The following ENOX1 variants were observed in gnomAD, a reference collection of about 807,000 sequenced individuals.
The protein encoded by ENOX1 is candidate growth-related and time keeping constitutive hydroquinone (NADH) oxidase.
Under a neutral mutation model 82.5 loss-of-function variants are expected in ENOX1, and 42 were observed. That is an observed-to-expected ratio of 0.51 (90% CI 0.40 to 0.66). The LOEUF (loss-of-function observed/expected upper bound fraction) is 0.66. ENOX1 is among the 30% of genes least tolerant of loss of function. The pLI is 0.00. For missense variants in ENOX1, 608 were observed against 811.6 expected, an observed-to-expected ratio of 0.75 and a Z score of 3.05; for synonymous variants, 271 against 282.2, an observed-to-expected ratio of 0.96 and a Z score of 0.40.
At chr13:43,499,186 A>G (rs1429947847) in intron 2 of ENOX1, among the ~76,000 whole-genome samples, 1 of 152,032 alleles carries the variant, frequency 6.6e-6, no homozygotes, top group Non-Finnish European at 1.5e-5. Context: ...AAAACCTAAA[A>G]CTGTCACAGA....
At chr13:43,332,117 C>A (rs1330234272) in intron 9 of ENOX1, among the ~76,000 whole-genome samples, 2 of 152,160 alleles carry the variant, frequency 1.3e-5, no homozygotes, top group African/African-American at 4.8e-5. Context: ...CATCATATTA[C>A]TGAACTTCCT....
chr13:43,308,959 C>T (rs947838390), intron 11 of ENOX1, among the ~76,000 whole-genome samples: 4 of 151,962 alleles, frequency 2.6e-5, no homozygotes, highest in African/African-American at 9.7e-5. Context: ...ATATTATTTG[C>T]CAAGCCATGC....
intron 2 of ENOX1, chr13:43,544,863 G>A (rs2078905957): frequency 1.3e-5 from 2 of 152,118 alleles, no homozygotes; most frequent in African/African-American, 4.8e-5. Context: ...TGAAGAGGGA[G>A]TGATATTTTT....
chr13:43,723,504 C>T (rs1248698867), intron 1 of ENOX1, among the ~76,000 whole-genome samples: 1 of 152,050 alleles, frequency 6.6e-6, no homozygotes, highest in Non-Finnish European at 1.5e-5. Context: ...GGAAGACAGC[C>T]GACTCTATCC....
intron 3 of ENOX1, among the ~76,000 whole-genome samples, chr13:43,433,379 AC>A (rs1173085248): frequency 2.0e-5 from 3 of 152,106 alleles, no homozygotes; most frequent in South Asian, 2.1e-4. Context: ...TAATCCCATG[AC>A]CCAAACACCT....
At chr13:43,579,602 C>A (rs1014800322) in intron 2 of ENOX1, among the ~76,000 whole-genome samples, 1 of 152,124 alleles carries the variant, frequency 6.6e-6, no homozygotes, top group Admixed American at 6.5e-5. Context: ...ATTGATCTCC[C>A]CATGAGACCA....
intron 1 of ENOX1, among the ~76,000 whole-genome samples, chr13:43,740,453 A>G (rs1289047775): frequency 4.6e-5 from 7 of 152,012 alleles, no homozygotes; most frequent in Non-Finnish European, 7.4e-5. Flanking sequence ...TACAATCATG[A>G]TCACAGACAA....
intron 3 of ENOX1, among the ~76,000 whole-genome samples, chr13:43,470,331 TATATATATAC>T (rs1170498587): frequency 0.18 from 11,589 of 64,512 alleles, 2,157 homozygotes; most frequent in Middle Eastern, 0.24. Context: ...TATATATATG[TATATATATAC>T]GTATATATAT....
At chr13:43,489,400 T>C (rs1263637587) in intron 2 of ENOX1, among the ~76,000 whole-genome samples, 1 of 152,164 alleles carries the variant, frequency 6.6e-6, no homozygotes, top group Non-Finnish European at 1.5e-5. Flanking sequence ...TTCTGAGGCT[T>C]ACAGAGTGCA....
At chr13:43,535,758 C>T (rs1367356872) in intron 2 of ENOX1, among the ~76,000 whole-genome samples, 3 of 152,174 alleles carry the variant, frequency 2.0e-5, no homozygotes, top group East Asian at 3.9e-4. Flanking sequence ...AAAAAAAAAT[C>T]CCTGCTAAAA....
intron 11 of ENOX1, among the ~76,000 whole-genome samples, chr13:43,310,264 T>A (rs1257401424): frequency 1.4e-5 from 2 of 144,648 alleles, no homozygotes. Context: ...GCACTATTAA[T>A]CAAACACTAA....
At chr13:43,665,109 A>G (rs764511542) in intron 2 of ENOX1, among the ~76,000 whole-genome samples, 4 of 152,194 alleles carry the variant, frequency 2.6e-5, no homozygotes, top group African/African-American at 4.8e-5. Flanking sequence ...AGCTCCACAC[A>G]GCACTAATCC....
At chr13:43,461,687 T>G (rs2057493698) in intron 3 of ENOX1, among the ~76,000 whole-genome samples, 1 of 152,140 alleles carries the variant, frequency 6.6e-6, no homozygotes, top group South Asian at 2.1e-4. Context: ...GGAATTTTAA[T>G]TAGAGAGCCA....
intron 10 of ENOX1, among the ~76,000 whole-genome samples, chr13:43,325,203 A>G (rs1224345862): frequency 6.6e-6 from 1 of 152,182 alleles, no homozygotes; most frequent in Non-Finnish European, 1.5e-5. Context: ...TGGCCCCTGA[A>G]AAATTAAAGA....
intron 9 of ENOX1, among the ~76,000 whole-genome samples, chr13:43,333,825 G>A (rs943215775): frequency 1.1e-4 from 16 of 152,218 alleles, no homozygotes; most frequent in East Asian, 1.9e-4. Context: ...GTTTCACCCC[G>A]TTGGCCAGGC....
At chr13:43,469,492 G>A (rs1299731136) in intron 3 of ENOX1, among the ~76,000 whole-genome samples, 1 of 151,538 alleles carries the variant, frequency 6.6e-6, no homozygotes, top group African/African-American at 2.4e-5. Flanking sequence ...CTATTAACAG[G>A]AAACTTTGAA....
chr13:43,469,695 C>G (rs1455932665), intron 3 of ENOX1, among the ~76,000 whole-genome samples: 3 of 151,942 alleles, frequency 2.0e-5, no homozygotes, highest in Admixed American at 1.3e-4. Context: ...TCTTCCCAAA[C>G]TGATCCCTAG....
intron 2 of ENOX1, among the ~76,000 whole-genome samples, chr13:43,589,216 GAAAAAAAAAAAA>G (rs58912569): frequency 5.0e-5 from 4 of 79,768 alleles, no homozygotes; most frequent in Non-Finnish European, 6.7e-5. Flanking sequence ...GACATTAATG[GAAAAAAAAAAAA>G]AAAAAAAAAA....
At chr13:43,460,667 A>G (rs2057428055) in intron 3 of ENOX1, among the ~76,000 whole-genome samples, 1 of 151,748 alleles carries the variant, frequency 6.6e-6, no homozygotes, top group Non-Finnish European at 1.5e-5. Context: ...GGTGGCGGGC[A>G]CCTGTAGTTC....
Sources: allele counts gnomAD v4.1 joint callset (sites outside exome capture counted in the v4.1 genomes callset), GRCh38; gene constraint gnomAD v4.1.1; transcripts MANE v1.5; gene names NCBI Gene and HGNC (gene_info 2026-07-23, HGNC 2026-07-21).